RGS3: variants seen among roughly 807,000 people sequenced by gnomAD.
RGS3 encodes the protein regulator of G protein signaling 3, also known as regulator of G-protein signalling 3.
A neutral mutation model predicts 132.6 loss-of-function variants in RGS3; 80 were observed. The observed-to-expected ratio is 0.60, with a 90% CI of 0.50 to 0.73. The LOEUF is 0.73. RGS3 is among the 30% of genes least tolerant of loss of function. The pLI, the probability that RGS3 is intolerant of heterozygous loss-of-function variation, is 0.00. For synonymous variants in RGS3, 598 were observed against 620.6 expected, an observed-to-expected ratio of 0.96 and a Z score of 0.54; for missense variants, 1,382 against 1,530.8, an observed-to-expected ratio of 0.90 and a Z score of 1.62.
rs552785272 is a variant in RGS3, at chr9:113,507,408, C to A, written c.1207C>A (p.Pro403Thr). The change falls in exon 13 of 25, where the codon CCC becomes ACC. Residue 403 changes from proline (P) to threonine (T), a missense_variant. Coordinates refer to ENST00000350696, the Ensembl canonical transcript of RGS3. This position sits in a 1 kb window ranked among gnomAD's most constrained non-coding sequence, Gnocchi z 5.0. The stretch of plus-strand genomic sequence containing the variant: ...GTCGACACATGACCTCCAGTCACCC[C>A]CCAACAAACGGGAGAAGAACTGCAC... 16 of 1,613,934 alleles carry A rather than the reference C, an allele frequency of 9.9e-6. No individual in the cohort carries two copies. The Middle Eastern group carries it at 6.6e-4, about 67-fold the overall frequency.
At chr9:113,459,620 C>T (rs369331975), upstream of RGS3, among the ~76,000 whole-genome samples, 20 of 151,980 alleles carry the variant, frequency 1.3e-4, no homozygotes, top group African/African-American at 4.4e-4. Flanking sequence ...TGTGGTGGCG[C>T]GTGCCTGTAG....
chr9:113,501,302 C>A (rs62577771), intron 10 of RGS3: 1 of 821,748 alleles, frequency 1.2e-6, no homozygotes. Flanking sequence ...CTCTCCCCGC[C>A]GGGCCCGGGG....
At chr9:113,558,747 T>G (rs1833669785) in intron 19 of RGS3, among the ~76,000 whole-genome samples, 1 of 152,212 alleles carries the variant, frequency 6.6e-6, no homozygotes, top group African/African-American at 2.4e-5. Flanking sequence ...TATGCAGGCT[T>G]GAGAACACCT....
chr9:113,501,679 G>A lies in RGS3; in HGVS notation c.897+3599G>A, dbSNP rs1019875236. The A allele has an allele frequency of 5.3e-6, 8 of 1,516,078 alleles. No individual in the cohort carries two copies. The South Asian group carries it at 8.3e-5, about 16-fold the overall frequency. 93.9% of individuals were successfully genotyped at this position (1,516,078 alleles called of 1,614,324 possible). A position where few individuals can be genotyped will look rare whatever the true frequency, so the allele number is the denominator to read the frequency against. ...GAGCCTGTGGGGTGTTCAGGGATAG[G>A]GGTAGAGGGACCATCTGAGAAGGAT... is the stretch of plus-strand genomic sequence containing the variant. On this transcript the variant is annotated intron_variant, in intron 10 of 24. Coordinates refer to ENST00000350696, the Ensembl canonical transcript of RGS3.
chr9:113,503,172 C>G (rs996221518), intron 10 of RGS3, among the ~76,000 whole-genome samples: 1 of 152,230 alleles, frequency 6.6e-6, no homozygotes, highest in Non-Finnish European at 1.5e-5. Context: ...AGGACAGGCT[C>G]TGTCAGAAGC....
At chr9:113,580,801 G>C (rs908240859) in intron 19 of RGS3, 48 of 985,820 alleles carry the variant, frequency 4.9e-5, no homozygotes, top group Non-Finnish European at 5.8e-5. Context: ...TTCTGGTTTT[G>C]GGTTTGTTGC....
intron 3 of RGS3, among the ~76,000 whole-genome samples, chr9:113,467,427 GT>G (rs1489675681): frequency 2.0e-5 from 3 of 152,146 alleles, no homozygotes; most frequent in African/African-American, 7.2e-5. Flanking sequence ...AGCTATCCTA[GT>G]GGGTGTGAAT....
At chr9:113,594,342 G>A (rs763373712) in intron 21 of RGS3, 88 bp from the exon 20 acceptor site, 1 of 1,593,752 alleles carries the variant, frequency 6.3e-7, no homozygotes, top group Non-Finnish European at 8.6e-7. Context: ...TGAAGGAGTA[G>A]GTGCCCTCGA....
chr9:113,496,278 G>A (rs1471953382), intron 8 of RGS3, among the ~76,000 whole-genome samples: 1 of 152,176 alleles, frequency 6.6e-6, no homozygotes, highest in Non-Finnish European at 1.5e-5. Flanking sequence ...GGAGTGAGCA[G>A]CACCATCCTC....
chr9:113,471,246 C>G (rs899060625), intron 3 of RGS3, among the ~76,000 whole-genome samples: 3 of 151,984 alleles, frequency 2.0e-5, no homozygotes, highest in African/African-American at 7.2e-5. Context: ...CAGAAGAACC[C>G]TGCTTCTTGG....
At chr9:113,564,486 G>C (rs1281502757) in intron 19 of RGS3, among the ~76,000 whole-genome samples, 1 of 152,170 alleles carries the variant, frequency 6.6e-6, no homozygotes, top group Non-Finnish European at 1.5e-5. Flanking sequence ...AGAAACCGAG[G>C]CTCAGAGAGG....
intron 8 of RGS3, among the ~76,000 whole-genome samples, chr9:113,496,554 T>TC (rs1284991895): frequency 2.7e-5 from 4 of 145,592 alleles, no homozygotes; most frequent in African/African-American, 5.4e-5. Context: ...TCTCTCTCTC[T>TC]TTTTTTTTTC....
chr9:113,592,443 T>C (rs1329122223), intron 21 of RGS3: 1 of 151,336 alleles, frequency 6.6e-6, no homozygotes, highest in Admixed American at 6.6e-5. Context: ...GGAGCAGCCC[T>C]GTCTAGCCTC....
Position 113,560,027 on chromosome 9 carries a change from A to T in RGS3, c.2037+23109A>T, listed in dbSNP as rs375749189. Among the ~76,000 whole-genome samples the T allele has an allele frequency of 3.9e-5, 6 of 152,258 alleles. No homozygotes were observed. In the East Asian group the frequency reaches 1.2e-3, roughly 29 times the overall value. On this transcript the variant is annotated intron_variant, in intron 19 of 24. Coordinates refer to ENST00000350696, the Ensembl canonical transcript of RGS3. ...GGGTCCGTTGAGGCCCATTTTACAG[A>T]TGAGGAAACTGAGACTCAGAGATAG... is the stretch of plus-strand genomic sequence containing the variant.
intron 19 of RGS3, among the ~76,000 whole-genome samples, chr9:113,554,219 T>C (rs112049418): frequency 2.2e-3 from 335 of 152,378 alleles, no homozygotes; most frequent in African/African-American, 7.7e-3. Context: ...TGGAATGTTA[T>C]TGCTTTTAAT....
rs1829531218 is a variant in RGS3, at chr9:113,463,706, C to T, written c.415+1505C>T. On this transcript the variant is annotated intron_variant, in intron 3 of 24. Coordinates refer to ENST00000350696, the Ensembl canonical transcript of RGS3. The surrounding 1 kb of genome is among the most constrained non-coding windows in gnomAD (Gnocchi z 4.6). The stretch of plus-strand genomic sequence containing the variant: ...CAACGCTTGGGGCAGCCCTACCTCC[C>T]GCTCGCGCTCCTCCCGCCCTGGAGA... 6 of 1,444,708 alleles carry T rather than the reference C, an allele frequency of 4.2e-6. No individual in the cohort carries two copies. The South Asian group carries it at 4.4e-5, about 11-fold the overall frequency. 89.5% of individuals were successfully genotyped at this position (1,444,708 alleles called of 1,614,324 possible). A position where few individuals can be genotyped will look rare whatever the true frequency, so the allele number is the denominator to read the frequency against.
intron 3 of RGS3, among the ~76,000 whole-genome samples, chr9:113,477,677 A>G (rs938710989): frequency 6.6e-6 from 1 of 152,222 alleles, no homozygotes; most frequent in Non-Finnish European, 1.5e-5. Context: ...ATGCAGAACT[A>G]GATCCGGGCA....
chr9:113,481,499 C>T (rs1003989970), intron 4 of RGS3, among the ~76,000 whole-genome samples: 2 of 152,228 alleles, frequency 1.3e-5, no homozygotes, highest in African/African-American at 4.8e-5. Context: ...GGGGGCCCAA[C>T]GTGAAGTTCC....
intron 19 of RGS3, among the ~76,000 whole-genome samples, chr9:113,574,124 ATCTC>A (rs963628146): frequency 6.6e-6 from 1 of 151,700 alleles, no homozygotes; most frequent in African/African-American, 2.4e-5. Flanking sequence ...TCAGTTAATG[ATCTC>A]TCTCTCTCCC....
Sources: gnomAD v4.1 joint callset for allele counts (sites outside exome capture counted in the v4.1 genomes callset) on GRCh38, gnomAD v4.1.1 for gene constraint, Gnocchi (gnomAD v3.1) non-coding constraint, MANE v1.5 for transcripts, NCBI Gene and HGNC (gene_info 2026-07-23, HGNC 2026-07-21) for gene names.